DYNC2I2: variants seen among roughly 807,000 people sequenced by gnomAD.
DYNC2I2 encodes the protein cytoplasmic dynein 2 intermediate chain 2.
In DYNC2I2, 39 loss-of-function variants were observed where a neutral mutation model predicts 52.0. The observed-to-expected ratio is 0.75, with a 90% CI of 0.58 to 0.98. DYNC2I2 has a LOEUF of 0.98. Among genes scored for constraint, DYNC2I2 ranks in the 50% least tolerant of loss-of-function variants. DYNC2I2 has a pLI of 0.00. For synonymous variants in DYNC2I2, 359 were observed against 321.1 expected, an observed-to-expected ratio of 1.12 and a Z score of -1.26; for missense variants, 743 against 728.4, an observed-to-expected ratio of 1.02 and a Z score of -0.23.
At chr9:128,652,981 C>T (rs1860746888) in intron 1 of DYNC2I2, among the ~76,000 whole-genome samples, 1 of 149,942 alleles carries the variant, frequency 6.7e-6, no homozygotes, top group African/African-American at 2.5e-5. Context: ...AATCCCCAAG[C>T]AGTTTGGGAG....
chr9:128,681,546 C>T, the DYNC2I2 span, among the ~76,000 whole-genome samples: 2 of 152,298 alleles, frequency 1.3e-5, no homozygotes, highest in South Asian at 4.1e-4. Flanking sequence ...CTGCTGTGAA[C>T]ATTGGTGCAC....
At chr9:128,636,123 G>A in intron 4 of DYNC2I2, 158 bp downstream of exon 4, 1 of 1,149,444 alleles carries the variant, frequency 8.7e-7, no homozygotes, top group Non-Finnish European at 1.3e-6. Flanking sequence ...ACCCCTCAGG[G>A]CTCACTGCAG....
At chr9:128,680,386 A>AT in the DYNC2I2 span, among the ~76,000 whole-genome samples, 1 of 139,728 alleles carries the variant, frequency 7.2e-6, no homozygotes, top group Non-Finnish European at 1.6e-5. Flanking sequence ...TATTATTATT[A>AT]TATTTTTTTG....
chr9:128,634,023 G>T, intron 8 of DYNC2I2, 41 bp from the exon 9 acceptor site: 1 of 1,605,878 alleles, frequency 6.2e-7, no homozygotes, highest in Non-Finnish European at 8.5e-7. Context: ...AGAAACTCTA[G>T]AGACCAACCA....
chr9:128,645,799 A>G (rs1387361232), intron 1 of DYNC2I2, among the ~76,000 whole-genome samples: 1 of 152,184 alleles, frequency 6.6e-6, no homozygotes, highest in Non-Finnish European at 1.5e-5. Flanking sequence ...TGCAACAAAC[A>G]GCCAAGTTGT....
At chr9:128,666,429 A>T in the DYNC2I2 span, among the ~76,000 whole-genome samples, 1 of 151,394 alleles carries the variant, frequency 6.6e-6, no homozygotes, top group Non-Finnish European at 1.5e-5. Flanking sequence ...ACATCATACT[A>T]CAAAATTAAT....
intron 1 of DYNC2I2, 49 bp downstream of exon 1, chr9:128,656,492 G>T: frequency 8.1e-7 from 1 of 1,227,196 alleles, no homozygotes; most frequent in South Asian, 3.4e-5. Flanking sequence ...GCCGCGCTGC[G>T]ACCCCGCCTT....
chr9:128,658,721 A>T (rs1031115786), upstream of DYNC2I2, among the ~76,000 whole-genome samples: 245 of 91,552 alleles, frequency 2.7e-3, 3 homozygotes, highest in Non-Finnish European at 4.1e-3. Context: ...ACCTGACCTA[A>T]TTTTTTTTTT....
intron 1 of DYNC2I2, among the ~76,000 whole-genome samples, chr9:128,656,146 G>A (rs1589438336): frequency 7.7e-6 from 1 of 129,614 alleles, no homozygotes; most frequent in Non-Finnish European, 1.6e-5. Context: ...GGGGGCTGAG[G>A]CTGCAGTGAG....
the DYNC2I2 span, among the ~76,000 whole-genome samples, chr9:128,669,429 G>C: frequency 6.6e-6 from 1 of 152,034 alleles, no homozygotes; most frequent in African/African-American, 2.4e-5. Flanking sequence ...CCAGCGCAGT[G>C]GCTCACACTT....
rs1860493850 is a variant in DYNC2I2, at chr9:128,640,569, A to G, written c.435+122T>C. The G allele has an allele frequency of 1.0e-5, 15 of 1,457,102 alleles. No individual in the cohort carries two copies. In the South Asian group the frequency reaches 1.9e-4, roughly 18 times the overall value. The allele number at this position is 1,457,102 out of a possible 1,614,324, so 90.3% of individuals were successfully genotyped here. On this transcript the variant is annotated intron_variant, in intron 2 of 8. Transcript: ENST00000372715. ...CTAGCGCAGTACCAGGCAGGACATT[A>G]GAGCCTGGTGATTGCTGGCCGTGAT...
intron 6 of DYNC2I2, 40 bp downstream of exon 6, chr9:128,635,052 C>G (rs1298692676): frequency 6.3e-7 from 1 of 1,592,148 alleles, no homozygotes; most frequent in East Asian, 2.2e-5. Flanking sequence ...CCCCAAGGCT[C>G]ACCGGCGCAG....
At chr9:128,640,540 G>A in intron 2 of DYNC2I2, 151 bp downstream of exon 2, 2 of 1,257,822 alleles carry the variant, frequency 1.6e-6, no homozygotes, top group Non-Finnish European at 2.2e-6. Context: ...TATTCTTAGG[G>A]AACCTAGCGC....
Position 128,656,691 on chromosome 9 carries a change from C to A in DYNC2I2, c.36G>T (p.Gln12His). Residue 12 changes from glutamine to histidine, a missense_variant, in exon 1 of 9, where the codon CAG (glutamine) becomes CAT (histidine). Gln to His is a conservative substitution (Grantham distance 24). Coordinates refer to ENST00000372715, the MANE Select transcript of DYNC2I2 (RefSeq NM_052844.4). The part of the protein sequence containing the change: ...ATRAQPGPLS[Q>H]AGSAGVAALA... ...GCGCCGCAACACCAGCGCTTCCCGC[C>A]TGGCTGAGTGGCCCCGGCTGCGCGC... The A allele has an allele frequency of 6.7e-7, 1 of 1,488,754 alleles. No homozygotes were observed. The allele number at this position is 1,488,754 out of a possible 1,614,324, so 92.2% of individuals were successfully genotyped here. A position where few individuals can be genotyped will look rare whatever the true frequency, so the allele number is the denominator to read the frequency against.
chr9:128,661,224 C>T (rs183695779), upstream of DYNC2I2, among the ~76,000 whole-genome samples: 178 of 148,924 alleles, frequency 1.2e-3, 1 homozygote, highest in Non-Finnish European at 2.3e-3. Context: ...TGCCTGTAAT[C>T]CCAGCTACTC....
At chr9:128,634,090 C>CT in intron 8 of DYNC2I2, 108 bp from the exon 9 acceptor site, 1 of 1,554,268 alleles carries the variant, frequency 6.4e-7, no homozygotes. Context: ...GCCACAGTGG[C>CT]TTTGAGTTGG....
intron 1 of DYNC2I2, among the ~76,000 whole-genome samples, chr9:128,653,812 C>T (rs555168589): frequency 6.6e-6 from 1 of 152,184 alleles, no homozygotes; most frequent in Non-Finnish European, 1.5e-5. Context: ...GAGATGGAGA[C>T]CATCCTGGCC....
upstream of DYNC2I2, among the ~76,000 whole-genome samples, chr9:128,661,015 A>C (rs1189621621): frequency 6.6e-6 from 1 of 152,028 alleles, no homozygotes; most frequent in Non-Finnish European, 1.5e-5. Context: ...GGCAAAAGCC[A>C]CTGCGCCAGG....
In DYNC2I2 at chr9:128,634,576, A is replaced by G. The variant is rs1045315140; in HGVS notation, c.1214+113T>C. ...CACCAAAGACCTGAACACGGGTCTC[A>G]GAGTGGGCAGAAGGCAAGCACTTGA... is the stretch of plus-strand genomic sequence containing the variant. On this transcript the variant is annotated intron_variant, in intron 7 of 8. Transcript: ENST00000372715. 29 of 1,308,636 alleles carry G rather than the reference A, an allele frequency of 2.2e-5. No individual in the cohort carries two copies. In the African/African-American group the frequency reaches 3.9e-4, roughly 18 times the overall value. The allele number at this position is 1,308,636 out of a possible 1,614,324, so 81.1% of individuals were successfully genotyped here.
Sources: allele counts gnomAD v4.1 joint callset (sites outside exome capture counted in the v4.1 genomes callset), GRCh38; gene constraint gnomAD v4.1.1; transcripts MANE v1.5; gene names NCBI Gene and HGNC (gene_info 2026-07-23, HGNC 2026-07-21).